Variants in SPRR2G observed in about 807,000 individuals in gnomAD.
The protein encoded by SPRR2G is small proline-rich protein 2G.
Under a neutral mutation model 0.7 loss-of-function variants are expected in SPRR2G, and 1 was observed. The ratio of observed to expected loss-of-function variants is 1.49; its 90% CI spans 0.53 to 7.06. SPRR2G has a LOEUF of 7.06. SPRR2G is among the 30% of genes most tolerant of loss of function. SPRR2G has a pLI of 0.14. For synonymous variants in SPRR2G, 38 were observed against 33.9 expected, an observed-to-expected ratio of 1.12 and a Z score of -0.42; for missense variants, 96 against 88.5, an observed-to-expected ratio of 1.09 and a Z score of -0.34.
At chr1:153,174,963 G>T in the SPRR2G span, among the ~76,000 whole-genome samples, 3 of 152,158 alleles carry the variant, frequency 2.0e-5, no homozygotes, top group Admixed American at 1.3e-4. Flanking sequence ...CAGGCAGCAG[G>T]CTGTACCCTA....
chr1:153,181,851 C>A, the SPRR2G span, among the ~76,000 whole-genome samples: 1 of 151,752 alleles, frequency 6.6e-6, no homozygotes, highest in Non-Finnish European at 1.5e-5. Flanking sequence ...GATTCCATAT[C>A]TTTGCTATTG....
At chr1:153,175,597 G>T in the SPRR2G span, among the ~76,000 whole-genome samples, 1 of 152,198 alleles carries the variant, frequency 6.6e-6, no homozygotes, top group Non-Finnish European at 1.5e-5. Context: ...GATGAGGTTA[G>T]TTCCCTGTTT....
the SPRR2G span, among the ~76,000 whole-genome samples, chr1:153,180,425 T>C: frequency 1.3e-5 from 2 of 152,188 alleles, no homozygotes; most frequent in African/African-American, 4.8e-5. Context: ...ACTGATTCAT[T>C]TTCTGGTTTG....
the SPRR2G span, among the ~76,000 whole-genome samples, chr1:153,199,503 A>C: frequency 6.6e-6 from 1 of 152,190 alleles, no homozygotes; most frequent in African/African-American, 2.4e-5. Context: ...CAGTTCACAA[A>C]GTTTTCAGGT....
intron 1 of SPRR2G, among the ~76,000 whole-genome samples, chr1:153,150,416 A>G (rs1197032511): frequency 1.8e-4 from 27 of 152,212 alleles, no homozygotes; most frequent in Admixed American, 1.8e-3. Flanking sequence ...AGAAAAACTC[A>G]GATATTAAAA....
the SPRR2G span, among the ~76,000 whole-genome samples, chr1:153,192,311 G>A: frequency 4.0e-4 from 61 of 152,166 alleles, no homozygotes; most frequent in African/African-American, 1.4e-3. Flanking sequence ...TTCCTTGGGA[G>A]CTAATCATAT....
the SPRR2G span, among the ~76,000 whole-genome samples, chr1:153,196,746 T>G: frequency 2.0e-5 from 3 of 152,226 alleles, no homozygotes; most frequent in Non-Finnish European, 4.4e-5. Context: ...ACTGCCTTCC[T>G]TACCTGTGCA....
At chr1:153,151,193 G>A (rs1656460438), upstream of SPRR2G, among the ~76,000 whole-genome samples, 1 of 152,198 alleles carries the variant, frequency 6.6e-6, no homozygotes, top group Non-Finnish European at 1.5e-5. Context: ...AGCTTCCAAA[G>A]TATCCTGTAT....
chr1:153,199,412 A>T, the SPRR2G span, among the ~76,000 whole-genome samples: 3 of 152,218 alleles, frequency 2.0e-5, no homozygotes, highest in African/African-American at 7.2e-5. Context: ...GGGAGAGGAG[A>T]GTCTGTGAAG....
chr1:153,159,521 C>T, the SPRR2G span, among the ~76,000 whole-genome samples: 34 of 152,202 alleles, frequency 2.2e-4, no homozygotes, highest in Non-Finnish European at 1.0e-4. Flanking sequence ...ACAATATCTG[C>T]CCATTACCCA....
chr1:153,170,033 A>G, the SPRR2G span, among the ~76,000 whole-genome samples: 1 of 152,176 alleles, frequency 6.6e-6, no homozygotes, highest in East Asian at 1.9e-4. Context: ...TAATTAATTT[A>G]TTTAGACATG....
the SPRR2G span, among the ~76,000 whole-genome samples, chr1:153,171,503 C>G: frequency 2.6e-5 from 4 of 152,156 alleles, no homozygotes; most frequent in Admixed American, 1.3e-4. Flanking sequence ...CCTTTCAGTA[C>G]CTGAATCTCC....
the SPRR2G span, among the ~76,000 whole-genome samples, chr1:153,188,077 G>T: frequency 6.6e-6 from 1 of 151,818 alleles, no homozygotes; most frequent in African/African-American, 2.4e-5. Flanking sequence ...TCCTCTGGAA[G>T]TTTCATCCCA....
chr1:153,163,738 G>T, the SPRR2G span, among the ~76,000 whole-genome samples: 1 of 152,096 alleles, frequency 6.6e-6, no homozygotes, highest in East Asian at 1.9e-4. Flanking sequence ...TCTGTGCACG[G>T]CATCTGTGTC....
At chr1:153,200,802 C>T in the SPRR2G span, among the ~76,000 whole-genome samples, 21 of 151,572 alleles carry the variant, frequency 1.4e-4, no homozygotes, top group South Asian at 8.3e-4. Flanking sequence ...CAGGTTCAAG[C>T]GATTCTTCTG....
At chr1:153,162,985 C>A in the SPRR2G span, among the ~76,000 whole-genome samples, 2 of 152,126 alleles carry the variant, frequency 1.3e-5, no homozygotes, top group Non-Finnish European at 1.5e-5. Context: ...AATCTTCTGT[C>A]ATGATTAGCA....
the SPRR2G span, among the ~76,000 whole-genome samples, chr1:153,170,763 C>G: frequency 6.6e-6 from 1 of 152,174 alleles, no homozygotes; most frequent in Non-Finnish European, 1.5e-5. Context: ...GCTTTTCTCC[C>G]ACTCAAAGGT....
the SPRR2G span, among the ~76,000 whole-genome samples, chr1:153,200,032 G>A: frequency 3.3e-5 from 5 of 152,110 alleles, no homozygotes; most frequent in African/African-American, 1.2e-4. Context: ...CTGATACATA[G>A]CATGTCCCTG....
the SPRR2G span, among the ~76,000 whole-genome samples, chr1:153,171,246 C>T: frequency 0.096 from 14,672 of 152,154 alleles, 1,410 homozygotes; most frequent in African/African-American, 0.25. Flanking sequence ...ACCCTTTTCC[C>T]GGCCGTCCTG....
Sources: allele counts gnomAD v4.1 joint callset (sites outside exome capture counted in the v4.1 genomes callset), GRCh38; gene constraint gnomAD v4.1.1; transcripts MANE v1.5; gene names NCBI Gene and HGNC (gene_info 2026-07-23, HGNC 2026-07-21).